The following ANO3 variants were observed in gnomAD, a reference collection of about 807,000 sequenced individuals.
The protein encoded by ANO3 is anoctamin 3.
ANO3 carries 99 observed loss-of-function variants against 144.8 expected under a neutral mutation model. The observed-to-expected ratio is 0.68, with a 90% CI of 0.58 to 0.81. The LOEUF (loss-of-function observed/expected upper bound fraction) is 0.81. Ranked by LOEUF, ANO3 falls within the 30% of genes least tolerant of loss-of-function variation. ANO3 has a pLI of 0.00. For missense variants in ANO3, 905 were observed against 1,202.2 expected, an observed-to-expected ratio of 0.75 and a Z score of 3.66; for synonymous variants, 414 against 392.6, an observed-to-expected ratio of 1.05 and a Z score of -0.64.
Position 26,335,495 on chromosome 11 carries a change from G to A in ANO3, c.46+3174G>A, listed in dbSNP as rs1352925926. 3.3e-5 allele frequency among the ~76,000 whole-genome samples: 5 copies of A among 152,010 alleles called. 1 individual carries two copies. Among genetic ancestry groups the A allele is most frequent in the Admixed American group, 3.3e-4 (5 of 15,270 alleles). The stretch of plus-strand genomic sequence containing the variant: ...CATCTATGGATGGTTTTTTAAAATA[G>A]TCTGGAGTTAACTATCACAAACTCT... On this transcript the variant is annotated intron_variant, in intron 1 of 26. Transcript: ENST00000256737.
intron 3 of ANO3, among the ~76,000 whole-genome samples, chr11:26,458,130 G>A (rs938802426): frequency 2.6e-5 from 4 of 152,046 alleles, no homozygotes; most frequent in Admixed American, 2.6e-4. Flanking sequence ...TTTAATTGAT[G>A]TTCTGGGCAT....
intron 8 of ANO3, among the ~76,000 whole-genome samples, chr11:26,533,554 G>A (rs1849427888): frequency 6.6e-6 from 1 of 152,088 alleles, no homozygotes; most frequent in East Asian, 1.9e-4. Flanking sequence ...GATGCTTGTA[G>A]AGGAAAGCTG....
chr11:26,481,439 C>A (rs1860212959), intron 4 of ANO3, among the ~76,000 whole-genome samples: 1 of 152,132 alleles, frequency 6.6e-6, no homozygotes, highest in African/African-American at 2.4e-5. Flanking sequence ...CTACTACATT[C>A]ACTAATTTCC....
chr11:26,210,067 A>C (rs1045081036), intron 1 of ANO3, among the ~76,000 whole-genome samples: 2 of 152,150 alleles, frequency 1.3e-5, no homozygotes, highest in Non-Finnish European at 2.9e-5. Context: ...GCCCATGCCT[A>C]TGTCCTGAAT....
At chr11:26,537,899 A>G (rs1849551587) in intron 10 of ANO3, among the ~76,000 whole-genome samples, 2 of 152,198 alleles carry the variant, frequency 1.3e-5, no homozygotes, top group Admixed American at 1.3e-4. Flanking sequence ...CAGGTTTTAA[A>G]TAGAAATGCC....
At chr11:26,559,872 A>ACACACC in intron 14 of ANO3, 93 bp downstream of exon 14, 1 of 803,572 alleles carries the variant, frequency 1.2e-6, no homozygotes, top group Non-Finnish European at 2.0e-6. Context: ...ACACACACAC[A>ACACACC]CACCATGAAT....
chr11:26,412,985 T>C (rs1041112135), intron 1 of ANO3, among the ~76,000 whole-genome samples: 1 of 151,954 alleles, frequency 6.6e-6, no homozygotes, highest in African/African-American at 2.4e-5. Flanking sequence ...TTTCTGTAAA[T>C]GAATTTTTAG....
intron 1 of ANO3, among the ~76,000 whole-genome samples, chr11:26,438,592 C>CAAAAAAAAA (rs1227963923): frequency 3.4e-4 from 24 of 70,252 alleles, no homozygotes; most frequent in African/African-American, 8.6e-4. Flanking sequence ...ACTAAAAATA[C>CAAAAAAAAA]AAAAAAAAAA....
intron 14 of ANO3, among the ~76,000 whole-genome samples, chr11:26,580,429 T>G (rs536231752): frequency 1.6e-3 from 239 of 152,306 alleles, no homozygotes; most frequent in Non-Finnish European, 2.7e-3. Flanking sequence ...CTAGTGTCTT[T>G]CATAGATTAG....
At chr11:26,545,431 A>G (rs969146412) in intron 11 of ANO3, among the ~76,000 whole-genome samples, 9 of 152,054 alleles carry the variant, frequency 5.9e-5, no homozygotes, top group African/African-American at 1.9e-4. Flanking sequence ...TTTTGTAGCT[A>G]AGGCCTATTT....
chr11:26,595,460 G>GTGTTTTTTTTT, intron 14 of ANO3, among the ~76,000 whole-genome samples: 2 of 101,386 alleles, frequency 2.0e-5, no homozygotes, highest in South Asian at 6.6e-4. Context: ...AGATAGAGTT[G>GTGTTTTTTTTT]TTTTTTTTTT....
At chr11:26,296,527 C>T (rs901722497) in intron 1 of ANO3, among the ~76,000 whole-genome samples, 4 of 152,068 alleles carry the variant, frequency 2.6e-5, no homozygotes, top group Non-Finnish European at 5.9e-5. Context: ...GATTGATTTC[C>T]TCCTTGAATC....
At chr11:26,327,027 T>C (rs1304544533) in intron 1 of ANO3, among the ~76,000 whole-genome samples, 1 of 152,210 alleles carries the variant, frequency 6.6e-6, no homozygotes, top group Non-Finnish European at 1.5e-5. Flanking sequence ...AATAAAGTCA[T>C]GAAGCTATGC....
At chr11:26,235,002 A>AGAGAGAGAGAGAGAG (rs1852485409) in intron 1 of ANO3, among the ~76,000 whole-genome samples, 1 of 140,166 alleles carries the variant, frequency 7.1e-6, no homozygotes, top group Non-Finnish European at 1.6e-5. Flanking sequence ...AGAGAAAAGA[A>AGAGAGAGAGAGAGAG]AGAGAGAGAG....
intron 14 of ANO3, among the ~76,000 whole-genome samples, chr11:26,592,716 G>T (rs1249464811): frequency 6.6e-6 from 1 of 151,366 alleles, no homozygotes; most frequent in Non-Finnish European, 1.5e-5. Flanking sequence ...GTTTTGAAAA[G>T]GCCTGGTCCA....
chr11:26,272,792 A>G (rs1853471099), intron 1 of ANO3, among the ~76,000 whole-genome samples: 1 of 152,174 alleles, frequency 6.6e-6, no homozygotes, highest in South Asian at 2.1e-4. Context: ...AAGGACATTT[A>G]TTAATAAGGA....
At chr11:26,220,073 G>A (rs1852111957) in intron 1 of ANO3, among the ~76,000 whole-genome samples, 1 of 152,200 alleles carries the variant, frequency 6.6e-6, no homozygotes, top group Admixed American at 6.5e-5. Flanking sequence ...GGGAGAAGAG[G>A]AAGGTCAGCT....
At chr11:26,330,064 T>C (rs543415104), upstream of ANO3, among the ~76,000 whole-genome samples, 1 of 152,286 alleles carries the variant, frequency 6.6e-6, no homozygotes, top group Admixed American at 6.5e-5. Flanking sequence ...CTAAAACCGG[T>C]GATTTAAAAG....
chr11:26,219,065 G>T (rs1852090863), intron 1 of ANO3, among the ~76,000 whole-genome samples: 1 of 152,150 alleles, frequency 6.6e-6, no homozygotes. Context: ...CCTGTGCATT[G>T]TAAGATATTT....
Sources: gnomAD v4.1 joint callset for allele counts (sites outside exome capture counted in the v4.1 genomes callset) on GRCh38, gnomAD v4.1.1 for gene constraint, MANE v1.5 for transcripts, NCBI Gene and HGNC (gene_info 2026-07-23, HGNC 2026-07-21) for gene names.